The following EDNRB variants were observed in gnomAD, a reference collection of about 807,000 sequenced individuals.
EDNRB encodes the protein Hirschsprung disease 2.
EDNRB carries 18 observed loss-of-function variants against 46.4 expected under a neutral mutation model. The ratio of observed to expected loss-of-function variants is 0.39; its 90% CI spans 0.27 to 0.57. EDNRB has a LOEUF of 0.57. EDNRB is among the 20% of genes least tolerant of loss of function. The pLI is 0.61. For missense variants in EDNRB, 434 were observed against 537.5 expected, an observed-to-expected ratio of 0.81 and a Z score of 1.90; for synonymous variants, 213 against 204.9, an observed-to-expected ratio of 1.04 and a Z score of -0.34.
chr13:77,901,981 T>C (rs2137608042), intron 3 of EDNRB, among the ~76,000 whole-genome samples: 1 of 152,080 alleles, frequency 6.6e-6, no homozygotes, highest in African/African-American at 2.4e-5. Flanking sequence ...CAGCCCCCTT[T>C]GCATTAATGT....
At chr13:77,936,084 G>A (rs1189944935) in intron 1 of EDNRB, among the ~76,000 whole-genome samples, 4 of 152,100 alleles carry the variant, frequency 2.6e-5, no homozygotes, top group African/African-American at 4.8e-5. Context: ...GGCATTGAGC[G>A]GGATAAGAGT....
intron 1 of EDNRB, among the ~76,000 whole-genome samples, chr13:77,953,961 A>T (rs1881162448): frequency 6.6e-6 from 1 of 152,218 alleles, no homozygotes; most frequent in Non-Finnish European, 1.5e-5. Context: ...CACTTTTTGG[A>T]GAATTTTATA....
At chr13:77,899,587 T>C in intron 6 of EDNRB, 1 of 377,706 alleles carries the variant, frequency 2.6e-6, no homozygotes, top group Non-Finnish European at 4.9e-6. Context: ...CAGACATCAA[T>C]GCATGTAATT....
chr13:77,918,173 T>C lies in EDNRB; in HGVS notation c.401A>G (p.Asn134Ser). The change falls in exon 1 of 7, where the codon AAC becomes AGC. Residue 134 changes from asparagine to serine, a missense_variant. Transcript: ENST00000646607. This position sits in a 1 kb window ranked among gnomAD's most constrained non-coding sequence, Gnocchi z 4.5. The part of the protein sequence containing the change: ...RIIYKNKCMR[N>S]GPNILIASLA... ...GCTGGCGATCAAGATATTGGGACCG[T>C]TTCGCATGCACTTGTTCTTGTAGAT... is the stretch of plus-strand genomic sequence containing the variant. The C allele has an allele frequency of 6.2e-7, 1 of 1,614,152 alleles. No individual in the cohort carries two copies. The highest frequency in any genetic ancestry group is 8.5e-7 in the Non-Finnish European group (1 of 1,180,030).
intron 4 of EDNRB, 33 bp from the exon 5 acceptor site, chr13:77,900,687 A>T (rs779498069): frequency 1.2e-6 from 2 of 1,611,600 alleles, no homozygotes; most frequent in East Asian, 4.5e-5. Flanking sequence ...CCCTTAAAAG[A>T]TGGCTCATTT....
At chr13:77,939,558 G>A (rs1259008354) in intron 1 of EDNRB, 4 of 152,182 alleles carry the variant, frequency 2.6e-5, no homozygotes, top group Non-Finnish European at 4.4e-5. Context: ...TGTTGTAGGT[G>A]TTCCATGATG....
chr13:77,947,255 T>C (rs1474811254), intron 1 of EDNRB, among the ~76,000 whole-genome samples: 1 of 152,082 alleles, frequency 6.6e-6, no homozygotes, highest in Non-Finnish European at 1.5e-5. Context: ...GAGGTTGGTT[T>C]TTATTAGATT....
intron 1 of EDNRB, among the ~76,000 whole-genome samples, chr13:77,937,838 C>A (rs1297479571): frequency 1.3e-5 from 2 of 151,944 alleles, no homozygotes; most frequent in African/African-American, 4.8e-5. Flanking sequence ...ACTGAGGGGA[C>A]AGGCAGGAGG....
intron 1 of EDNRB, among the ~76,000 whole-genome samples, chr13:77,933,446 C>T (rs1203962850): frequency 6.6e-6 from 1 of 152,030 alleles, no homozygotes; most frequent in East Asian, 1.9e-4. Context: ...AGTAGGGGAG[C>T]TTTTGAGCCA....
At chr13:77,967,994 A>G (rs1464096213) in intron 1 of EDNRB, among the ~76,000 whole-genome samples, 1 of 152,176 alleles carries the variant, frequency 6.6e-6, no homozygotes, top group East Asian at 1.9e-4. Flanking sequence ...TGAACTGAAA[A>G]GACTGTGTGC....
chr13:77,923,492 T>A (rs1451720943), upstream of EDNRB, among the ~76,000 whole-genome samples: 1 of 152,330 alleles, frequency 6.6e-6, no homozygotes, highest in African/African-American at 2.4e-5. Flanking sequence ...CTTAGGCCAC[T>A]CAGTAATGGA....
At chr13:77,944,329 GA>G (rs1408067781) in intron 1 of EDNRB, among the ~76,000 whole-genome samples, 2 of 151,992 alleles carry the variant, frequency 1.3e-5, no homozygotes, top group East Asian at 3.9e-4. Flanking sequence ...TTTATACCCT[GA>G]ATGCATCTAT....
rs185829044 is a variant in EDNRB, at chr13:77,966,013, A to G, written c.-52+9334T>C. On this transcript the variant is annotated intron_variant, in intron 1 of 7. Transcript: ENST00000646948. ...CACCTCAGCCCCTCAGGTAGCTAAGACTGCAGGTGTGTGTCACCATGCCCA... is the reference window on the plus strand; with the variant it reads ...CACCTCAGCCCCTCAGGTAGCTAAGGCTGCAGGTGTGTGTCACCATGCCCA... 5.1e-3 allele frequency among the ~76,000 whole-genome samples: 771 copies of G among 152,188 alleles called. 11 individuals carry two copies. The highest frequency in any genetic ancestry group is 0.017 in the African/African-American group (723 of 41,540).
At chr13:77,916,849 C>T (rs1879829896) in intron 1 of EDNRB, among the ~76,000 whole-genome samples, 2 of 151,928 alleles carry the variant, frequency 1.3e-5, no homozygotes, top group South Asian at 4.2e-4. Flanking sequence ...GCTGCTGCTG[C>T]TGCTGGGAAA....
chr13:77,913,104 AG>A (rs1879652216), intron 1 of EDNRB, among the ~76,000 whole-genome samples: 1 of 152,158 alleles, frequency 6.6e-6, no homozygotes, highest in South Asian at 2.1e-4. Flanking sequence ...GTAGTCTAAG[AG>A]GATAGTGCAA....
At chr13:77,963,260 A>T (rs1363261544) in intron 1 of EDNRB, among the ~76,000 whole-genome samples, 3 of 152,204 alleles carry the variant, frequency 2.0e-5, no homozygotes, top group Middle Eastern at 3.2e-3. Flanking sequence ...ACAGAATTGG[A>T]AAAAACTACT....
intron 1 of EDNRB, among the ~76,000 whole-genome samples, chr13:77,954,786 T>G (rs926594352): frequency 6.6e-6 from 1 of 152,046 alleles, no homozygotes; most frequent in Non-Finnish European, 1.5e-5. Context: ...GGATTACAGG[T>G]GTGAGCCAAC....
At chr13:77,947,944 A>G (rs369349109) in intron 1 of EDNRB, among the ~76,000 whole-genome samples, 2 of 152,086 alleles carry the variant, frequency 1.3e-5, no homozygotes, top group East Asian at 3.9e-4. Flanking sequence ...ATAGATCTCA[A>G]TCAAATATAT....
intron 1 of EDNRB, among the ~76,000 whole-genome samples, chr13:77,909,027 T>A (rs1476780121): frequency 2.0e-5 from 3 of 151,978 alleles, no homozygotes; most frequent in African/African-American, 7.2e-5. Flanking sequence ...TTTGACAAAA[T>A]GATAGCCTAT....
Sources: allele counts gnomAD v4.1 joint callset (sites outside exome capture counted in the v4.1 genomes callset), GRCh38; gene constraint gnomAD v4.1.1; non-coding constraint Gnocchi (gnomAD v3.1); transcripts MANE v1.5; gene names NCBI Gene and HGNC (gene_info 2026-07-23, HGNC 2026-07-21).